Variants in FOXO1 observed in about 807,000 individuals in gnomAD.
The protein encoded by FOXO1 is forkhead box O1.
In FOXO1, 6 loss-of-function variants were observed where a neutral mutation model predicts 44.1. The observed-to-expected ratio is 0.14, with a 90% confidence interval of 0.07 to 0.27. FOXO1 has a LOEUF of 0.27. Among genes scored for constraint, FOXO1 ranks in the 10% least tolerant of loss-of-function variants. The pLI is 1.00. For missense variants in FOXO1, 737 were observed against 888.8 expected, an observed-to-expected ratio of 0.83 and a Z score of 2.17; for synonymous variants, 380 against 362.7, an observed-to-expected ratio of 1.05 and a Z score of -0.54.
intron 1 of FOXO1, among the ~76,000 whole-genome samples, chr13:40,638,645 C>A (rs1204171931): frequency 1.3e-5 from 2 of 152,080 alleles, no homozygotes; most frequent in African/African-American, 4.8e-5. Context: ...ATCAAGACAA[C>A]AAGCTTCACA....
chr13:40,616,101 A>AC (rs1449610707), intron 1 of FOXO1, among the ~76,000 whole-genome samples: 1 of 152,354 alleles, frequency 6.6e-6, no homozygotes, highest in African/African-American at 2.4e-5. Flanking sequence ...TTTTGAAGAT[A>AC]AAGATGACAG....
intron 1 of FOXO1, among the ~76,000 whole-genome samples, chr13:40,664,465 C>T (rs1489855013): frequency 6.6e-6 from 1 of 152,032 alleles, no homozygotes; most frequent in Non-Finnish European, 1.5e-5. Context: ...CGCTAAGTCT[C>T]TCCTGGCCAC....
chr13:40,633,402 A>G (rs1877042104), intron 1 of FOXO1, among the ~76,000 whole-genome samples: 1 of 152,248 alleles, frequency 6.6e-6, no homozygotes, highest in Non-Finnish European at 1.5e-5. Flanking sequence ...AATGGATAAA[A>G]TATACTATTT....
At chr13:40,596,867 C>A (rs927284248) in intron 1 of FOXO1, among the ~76,000 whole-genome samples, 2 of 152,174 alleles carry the variant, frequency 1.3e-5, no homozygotes, top group East Asian at 3.9e-4. Flanking sequence ...TCTCCACTGT[C>A]CCCAGTGCCA....
chr13:40,586,770 T>C (rs1029337197), intron 1 of FOXO1, among the ~76,000 whole-genome samples: 1 of 152,206 alleles, frequency 6.6e-6, no homozygotes, highest in African/African-American at 2.4e-5. Flanking sequence ...ACTGCCCCTC[T>C]GTCTTTCCTC....
intron 1 of FOXO1, among the ~76,000 whole-genome samples, chr13:40,617,074 A>G (rs1350208383): frequency 1.3e-5 from 2 of 152,394 alleles, no homozygotes; most frequent in Non-Finnish European, 1.5e-5. Flanking sequence ...ATACCAAAGT[A>G]TTAATTTCTG....
chr13:40,648,708 T>C (rs893683168), intron 1 of FOXO1, among the ~76,000 whole-genome samples: 2 of 152,234 alleles, frequency 1.3e-5, no homozygotes, highest in African/African-American at 4.8e-5. Flanking sequence ...TTCCCAGGCA[T>C]AGCCAAGCAG....
At position 40,557,911 on chromosome 13, in the gene FOXO1, A is replaced by T. The variant is rs558856511; in HGVS notation, c.*1138T>A. 6.6e-6 allele frequency: 1 copy of T among 152,374 alleles called. No individual in the cohort carries two copies. Among genetic ancestry groups the T allele is most frequent in the South Asian group, 2.1e-4 (1 of 4,830 alleles). 9.4% of individuals were successfully genotyped at this position (152,374 alleles called of 1,614,324 possible). Reference sequence around the variant, plus strand: ...TATGCAGTACGCATAGTTCAGTAGAAGCAGATGAAATTTCTTTAAAATACA... The same window carrying T: ...TATGCAGTACGCATAGTTCAGTAGATGCAGATGAAATTTCTTTAAAATACA... On this transcript the variant is annotated 3_prime_UTR_variant, in exon 3 of 3. Coordinates refer to ENST00000379561, the MANE Select transcript of FOXO1 (RefSeq NM_002015.4).
chr13:40,653,443 C>A (rs1055008508), intron 1 of FOXO1, among the ~76,000 whole-genome samples: 3 of 152,152 alleles, frequency 2.0e-5, no homozygotes, highest in Non-Finnish European at 4.4e-5. Context: ...AGAGGAAATG[C>A]ACTAATTTTT....
At chr13:40,567,684 A>G (rs1874321076) in intron 1 of FOXO1, among the ~76,000 whole-genome samples, 1 of 152,238 alleles carries the variant, frequency 6.6e-6, no homozygotes, top group Middle Eastern at 3.4e-3. Flanking sequence ...AATTTACACA[A>G]TGTGGGCGGG....
intron 1 of FOXO1, among the ~76,000 whole-genome samples, chr13:40,605,749 T>C (rs967517816): frequency 1.3e-5 from 2 of 152,168 alleles, no homozygotes; most frequent in African/African-American, 4.8e-5. Context: ...CTCTAGTCAG[T>C]TGCCAGCAGT....
intron 1 of FOXO1, among the ~76,000 whole-genome samples, chr13:40,661,305 T>TCC (rs1566088007): frequency 6.6e-6 from 1 of 151,906 alleles, no homozygotes. Context: ...AGACAGGGTC[T>TCC]CCCTCTGTTG....
chr13:40,566,730 T>C (rs1386072257), intron 1 of FOXO1, among the ~76,000 whole-genome samples: 1 of 152,210 alleles, frequency 6.6e-6, no homozygotes, highest in South Asian at 2.1e-4. Flanking sequence ...GTGAATGTAT[T>C]ATATAATTAC....
intron 1 of FOXO1, among the ~76,000 whole-genome samples, chr13:40,649,436 T>G (rs1460746106): frequency 6.6e-6 from 1 of 152,198 alleles, no homozygotes; most frequent in Admixed American, 6.5e-5. Context: ...TGATGACTTC[T>G]GTGGATGAAA....
At chr13:40,659,386 G>C (rs1566087516) in intron 1 of FOXO1, among the ~76,000 whole-genome samples, 1 of 149,952 alleles carries the variant, frequency 6.7e-6, no homozygotes, top group Non-Finnish European at 1.5e-5. Context: ...CTCATAAAGA[G>C]TGTAGCTTCA....
intron 1 of FOXO1, among the ~76,000 whole-genome samples, chr13:40,565,724 T>C (rs954647659): frequency 1.3e-5 from 2 of 152,192 alleles, no homozygotes; most frequent in Non-Finnish European, 1.5e-5. Flanking sequence ...TTAAATGAGA[T>C]AGTATGCGTG....
chr13:40,569,053 G>A (rs12865518), intron 1 of FOXO1, among the ~76,000 whole-genome samples: 27,160 of 152,166 alleles, frequency 0.18, 2,631 homozygotes, highest in Non-Finnish European at 0.23. Context: ...GTCTCAAACC[G>A]CTATAGACAC....
At chr13:40,577,283 G>A (rs889003600) in intron 1 of FOXO1, among the ~76,000 whole-genome samples, 2 of 152,002 alleles carry the variant, frequency 1.3e-5, no homozygotes, top group Non-Finnish European at 2.9e-5. Context: ...AACAGAATTC[G>A]ATTATAAACA....
chr13:40,611,103 G>C, intron 1 of FOXO1: 1 of 453,538 alleles, frequency 2.2e-6, no homozygotes, highest in Non-Finnish European at 4.4e-6. Flanking sequence ...CATCAATACT[G>C]CACATAGGCT....
Sources: gnomAD v4.1 joint callset for allele counts (sites outside exome capture counted in the v4.1 genomes callset) on GRCh38, gnomAD v4.1.1 for gene constraint, MANE v1.5 for transcripts, NCBI Gene and HGNC (gene_info 2026-07-23, HGNC 2026-07-21) for gene names.